SEMA6A: variants seen among roughly 807,000 people sequenced by gnomAD.
The protein encoded by SEMA6A is semaphorin-6A.
Under a neutral mutation model 96.8 loss-of-function variants are expected in SEMA6A, and 25 were observed. That is an observed-to-expected ratio of 0.26 (90% CI 0.19 to 0.36). SEMA6A has a LOEUF of 0.36. SEMA6A is among the 10% of genes least tolerant of loss of function. SEMA6A has a pLI of 1.00. For missense variants in SEMA6A, 1,363 were observed against 1,323.1 expected (o/e 1.03, Z -0.47); for synonymous variants, 612 against 518.0 (o/e 1.18, Z -2.46).
intron 4 of SEMA6A, 74 bp from the exon 5 acceptor site, chr5:116,496,387 T>C: frequency 2.3e-6 from 3 of 1,281,182 alleles, no homozygotes; most frequent in Non-Finnish European, 3.4e-6. Context: ...AGAGTTCCCT[T>C]GGGGAGACTA....
chr5:116,467,860 G>C, intron 17 of SEMA6A, 113 bp from the exon 18 acceptor site: 1 of 1,086,798 alleles, frequency 9.2e-7, no homozygotes, highest in Non-Finnish European at 1.3e-6. Context: ...GAGAGGAGAT[G>C]GCCCTAGAAA....
chr5:116,495,951 G>A (rs891991320), intron 5 of SEMA6A: 5 of 366,684 alleles, frequency 1.4e-5, no homozygotes, highest in Non-Finnish European at 2.5e-5. Flanking sequence ...GCCTTGGACT[G>A]CGGAGGTGGG....
chr5:116,526,142 T>G (rs910247984), intron 1 of SEMA6A, among the ~76,000 whole-genome samples: 4 of 152,170 alleles, frequency 2.6e-5, no homozygotes, highest in Admixed American at 2.6e-4. Context: ...CCCCCCTTCT[T>G]TTTTATCCTT....
At chr5:116,562,762 A>T (rs1029381948) in intron 1 of SEMA6A, 1 of 733,390 alleles carries the variant, frequency 1.4e-6, no homozygotes, top group African/African-American at 1.7e-5. Flanking sequence ...ACCGAGATGA[A>T]TCTTTGCCAT....
At chr5:116,448,755 C>CAAAAAAAAAAAA (rs3984966) in intron 18 of SEMA6A, among the ~76,000 whole-genome samples, 2 of 106,516 alleles carry the variant, frequency 1.9e-5, no homozygotes, top group African/African-American at 7.2e-5. Context: ...CATCACCTCT[C>CAAAAAAAAAAAA]AAAAAAAAAA....
rs371488475 is a variant in SEMA6A, at chr5:116,545,344, C to T, written c.-39+28841G>A. Among the ~76,000 whole-genome samples the T allele has an allele frequency of 5.7e-4, 87 of 152,072 alleles. 1 individual carries two copies. Among genetic ancestry groups the T allele is most frequent in the African/African-American group, 2.0e-3 (83 of 41,472 alleles). ...CAGCACTTTGGGAGGCTGAGGTGGG[C>T]GGATCACCTGAGGTCAGGAGTTCGA... On this transcript the variant is annotated intron_variant, in intron 1 of 18. Transcript: ENST00000343348.
intron 1 of SEMA6A, among the ~76,000 whole-genome samples, chr5:116,546,215 C>T (rs1295234906): frequency 2.6e-5 from 4 of 152,326 alleles, no homozygotes; most frequent in East Asian, 1.9e-4. Context: ...GGGGCTCTTA[C>T]GCAAGTACTG....
chr5:116,573,963 G>T (rs1032533438), intron 1 of SEMA6A, among the ~76,000 whole-genome samples: 2 of 151,534 alleles, frequency 1.3e-5, no homozygotes, highest in African/African-American at 2.4e-5. Context: ...AGCTCTCGAC[G>T]TGGAGCCGGA....
intron 1 of SEMA6A, among the ~76,000 whole-genome samples, chr5:116,519,269 T>C (rs1448701972): frequency 1.3e-5 from 2 of 152,206 alleles, no homozygotes; most frequent in Non-Finnish European, 2.9e-5. Flanking sequence ...TGAGGAGTCA[T>C]TATCAATAAT....
intron 7 of SEMA6A, among the ~76,000 whole-genome samples, chr5:116,490,732 G>GT (rs1166719754): frequency 6.6e-6 from 1 of 152,114 alleles, no homozygotes; most frequent in African/African-American, 2.4e-5. Context: ...AACTAATCTT[G>GT]TTTCATAATC....
At position 116,454,899 on chromosome 5, in the gene SEMA6A, A is replaced by G. The variant is rs1010388833; in HGVS notation, c.1895-7088T>C. ...CAGGAGGGGCCATGGTCTTCAAGAT[A>G]TATAAAGTTAATGACTGACCATGCC... On this transcript the variant is annotated intron_variant, in intron 18 of 18. Coordinates refer to ENST00000343348, the MANE Select transcript of SEMA6A (RefSeq NM_020796.5). Among the ~76,000 whole-genome samples, 6 of 152,120 alleles carry G rather than the reference A, an allele frequency of 3.9e-5. No homozygotes were observed. The East Asian group carries it at 7.7e-4, about 20-fold the overall frequency.
chr5:116,473,232 C>G, intron 16 of SEMA6A, 139 bp from the exon 17 acceptor site: 1 of 776,926 alleles, frequency 1.3e-6, no homozygotes. Context: ...TTAATTTCTG[C>G]GTGTAATGTA....
chr5:116,446,298 T>C lies in SEMA6A; in HGVS notation c.*315A>G, dbSNP rs1429635249. 8.6e-6 allele frequency: 2 copies of C among 233,132 alleles called. No homozygotes were observed. The highest frequency in any genetic ancestry group is 1.6e-5 in the Non-Finnish European group (2 of 121,504). The allele number at this position is 233,132 out of a possible 1,614,324, so 14.4% of individuals were successfully genotyped here. A position where few individuals can be genotyped will look rare whatever the true frequency, so the allele number is the denominator to read the frequency against. ...TGTGTGTGTGTGTGGGGGTGGGGGA[T>C]GGGGTAGGTATGTGCTTTTGGCTCA... is the stretch of plus-strand genomic sequence containing the variant. On this transcript the variant is annotated 3_prime_UTR_variant, in exon 19 of 19. Transcript: ENST00000343348.
intron 3 of SEMA6A, chr5:116,498,985 G>A (rs1757744774): frequency 6.6e-6 from 1 of 152,234 alleles, no homozygotes; most frequent in Admixed American, 6.5e-5. Flanking sequence ...GATTAAAAAA[G>A]AAGAGGAATT....
At chr5:116,496,038 C>A in intron 5 of SEMA6A, 1 of 495,204 alleles carries the variant, frequency 2.0e-6, no homozygotes, top group South Asian at 2.2e-5. Flanking sequence ...CTAAGTAGTT[C>A]ATGATGCAGG....
chr5:116,531,228 G>A (rs912227901), intron 1 of SEMA6A, among the ~76,000 whole-genome samples: 1 of 152,168 alleles, frequency 6.6e-6, no homozygotes, highest in African/African-American at 2.4e-5. Flanking sequence ...CCAGAGTAGA[G>A]AAAAGGGGTC....
rs774216951 is a variant in SEMA6A at position 116,504,821 on chromosome 5, CTGAG to C, written c.100+20_100+23del. 6.6e-5 allele frequency: 101 copies of C among 1,541,494 alleles called. 1 individual carries two copies. In the African/African-American group the frequency reaches 1.3e-3, roughly 20 times the overall value. The stretch of plus-strand genomic sequence containing the variant: ...GCTAAAATGTTCTCAAAGGGAGACA[CTGAG>C]TGAGACCATGGGTACTTACAGTTGC... On this transcript the variant is annotated intron_variant, in intron 2 of 18. Transcript: ENST00000343348.
intron 1 of SEMA6A, among the ~76,000 whole-genome samples, chr5:116,547,545 C>G (rs1019597347): frequency 6.6e-6 from 1 of 150,822 alleles, no homozygotes; most frequent in Non-Finnish European, 1.5e-5. Flanking sequence ...TTAACTATTT[C>G]ATTAATATTC....
chr5:116,550,928 A>G (rs936568728), intron 1 of SEMA6A, among the ~76,000 whole-genome samples: 2 of 152,202 alleles, frequency 1.3e-5, no homozygotes, highest in African/African-American at 4.8e-5. Flanking sequence ...AAGCAGCCTC[A>G]TGCCTAAAAT....
Sources: gnomAD v4.1 joint callset for allele counts (sites outside exome capture counted in the v4.1 genomes callset) on GRCh38, gnomAD v4.1.1 for gene constraint, MANE v1.5 for transcripts, NCBI Gene and HGNC (gene_info 2026-07-23, HGNC 2026-07-21) for gene names.